The following BRAF variants were observed in gnomAD, a reference collection of about 807,000 sequenced individuals.
BRAF encodes the protein serine/threonine-protein kinase B-raf.
In BRAF, 16 loss-of-function variants were observed where a neutral mutation model predicts 104.6. The ratio of observed to expected loss-of-function variants is 0.15; its 90% confidence interval spans 0.10 to 0.23. BRAF has a LOEUF of 0.23. Among genes scored for constraint, BRAF ranks in the 10% least tolerant of loss-of-function variants. BRAF has a pLI of 1.00. For synonymous variants in BRAF, 310 were observed against 341.6 expected (o/e 0.91, Z 1.02); for missense variants, 541 against 937.3 (o/e 0.58, Z 5.52).
downstream of BRAF, among the ~76,000 whole-genome samples, chr7:140,718,369 G>C (rs1795183004): frequency 6.6e-6 from 1 of 152,234 alleles, no homozygotes; most frequent in Admixed American, 6.5e-5. Context: ...TCCTGCCTCA[G>C]CCTCCTGAGT....
At chr7:140,767,429 G>T (rs538710704) in intron 14 of BRAF, among the ~76,000 whole-genome samples, 31 of 152,272 alleles carry the variant, frequency 2.0e-4, no homozygotes, top group African/African-American at 7.0e-4. Context: ...TGTACAAATG[G>T]AGGGATTGGC....
intron 12 of BRAF, chr7:140,781,213 A>T (rs534309728): frequency 3.5e-6 from 1 of 284,202 alleles, no homozygotes; most frequent in African/African-American, 2.2e-5. Context: ...TTACAGGCAT[A>T]AGCCACTGCG....
Position 140,725,170 on chromosome 7 carries a change from T to C in BRAF, c.*1324A>G, listed in dbSNP as rs1795531182. 2.9e-6 allele frequency: 3 copies of C among 1,042,706 alleles called. No individual in the cohort carries two copies. Among genetic ancestry groups the C allele is most frequent in the Admixed American group, 1.1e-4 (2 of 17,930 alleles). The allele number at this position is 1,042,706 out of a possible 1,614,324, so 64.6% of individuals were successfully genotyped here. A position where few individuals can be genotyped will look rare whatever the true frequency, so the allele number is the denominator to read the frequency against. ...GAGACGCCACCATTTTTATTTTAGG[T>C]TGCATATTCTAGATAAAAGACTAGA... On this transcript the variant is annotated 3_prime_UTR_variant, in exon 20 of 20. Coordinates refer to ENST00000644969, the MANE Select transcript of BRAF (RefSeq NM_001374258.1).
At chr7:140,730,082 T>G (rs1795851243) in intron 19 of BRAF, among the ~76,000 whole-genome samples, 1 of 152,108 alleles carries the variant, frequency 6.6e-6, no homozygotes, top group Non-Finnish European at 1.5e-5. Flanking sequence ...ACATGGAGAA[T>G]TTAAGGAAAA....
At chr7:140,844,807 A>G (rs1426281526) in intron 2 of BRAF, among the ~76,000 whole-genome samples, 1 of 152,064 alleles carries the variant, frequency 6.6e-6, no homozygotes, top group Non-Finnish European at 1.5e-5. Flanking sequence ...CTGTAATCCC[A>G]GCTACTCAGG....
chr7:140,903,214 C>A (rs550510280), intron 1 of BRAF, among the ~76,000 whole-genome samples: 40 of 152,228 alleles, frequency 2.6e-4, no homozygotes, highest in Middle Eastern at 3.4e-3. Flanking sequence ...GCATGAGCCA[C>A]CACGCCTGGC....
chr7:140,777,150 A>G, intron 13 of BRAF, 62 bp from the exon 13 acceptor site: 1 of 1,549,390 alleles, frequency 6.5e-7, no homozygotes, highest in Non-Finnish European at 8.9e-7. Context: ...TTCTTACAAA[A>G]GAGAACCAAA....
intron 8 of BRAF, among the ~76,000 whole-genome samples, chr7:140,792,640 T>C (rs1436243710): frequency 2.6e-5 from 4 of 152,226 alleles, no homozygotes; most frequent in Non-Finnish European, 5.9e-5. Context: ...ATGGAGTTTA[T>C]TACCCCCTTC....
intron 1 of BRAF, among the ~76,000 whole-genome samples, chr7:140,889,459 T>G (rs759403744): frequency 6.6e-6 from 1 of 152,168 alleles, no homozygotes; most frequent in Admixed American, 6.5e-5. Context: ...GTAGTACACA[T>G]ATAGCATAAA....
chr7:140,894,333 CAG>C (rs775473605), intron 1 of BRAF, among the ~76,000 whole-genome samples: 4 of 152,166 alleles, frequency 2.6e-5, no homozygotes, highest in East Asian at 1.9e-4. Flanking sequence ...ATAAATAAAA[CAG>C]AATTAGAAAT....
At chr7:140,887,875 GTTTAAT>G (rs1813752526) in intron 1 of BRAF, among the ~76,000 whole-genome samples, 1 of 147,842 alleles carries the variant, frequency 6.8e-6, no homozygotes, top group African/African-American at 2.5e-5. Context: ...CACCATGCTC[GTTTAAT>G]TTTTTTTTTT....
chr7:140,842,246 C>T (rs1808043726), intron 2 of BRAF, among the ~76,000 whole-genome samples: 1 of 152,184 alleles, frequency 6.6e-6, no homozygotes, highest in South Asian at 2.1e-4. Flanking sequence ...CTACCAATTA[C>T]AAGTTGTGTA....
At chr7:140,788,369 G>T (rs1243027476) in intron 8 of BRAF, among the ~76,000 whole-genome samples, 1 of 151,970 alleles carries the variant, frequency 6.6e-6, no homozygotes, top group African/African-American at 2.4e-5. Flanking sequence ...TCTATTATAG[G>T]CATTTTGACA....
At chr7:140,849,975 G>A (rs1266849571) in intron 2 of BRAF, 136 bp downstream of exon 2, 5 of 657,364 alleles carry the variant, frequency 7.6e-6, no homozygotes, top group Non-Finnish European at 1.3e-5. Flanking sequence ...GTATAATACA[G>A]GCAAAGCTAA....
At chr7:140,843,927 T>G (rs1420036528) in intron 2 of BRAF, among the ~76,000 whole-genome samples, 1 of 152,068 alleles carries the variant, frequency 6.6e-6, no homozygotes, top group African/African-American at 2.4e-5. Context: ...GAGAATGGCG[T>G]GAACCCGGGA....
At chr7:140,788,371 A>T (rs1801609160) in intron 8 of BRAF, among the ~76,000 whole-genome samples, 1 of 152,200 alleles carries the variant, frequency 6.6e-6, no homozygotes, top group South Asian at 2.1e-4. Flanking sequence ...TATTATAGGC[A>T]TTTTGACATA....
intron 1 of BRAF, among the ~76,000 whole-genome samples, chr7:140,870,386 C>A (rs143663995): frequency 6.6e-6 from 1 of 152,212 alleles, no homozygotes; most frequent in African/African-American, 2.4e-5. Flanking sequence ...CAAAAATATT[C>A]TTAAAACATT....
intron 1 of BRAF, among the ~76,000 whole-genome samples, chr7:140,853,543 A>T (rs1809429833): frequency 6.6e-6 from 1 of 152,116 alleles, no homozygotes; most frequent in African/African-American, 2.4e-5. Context: ...GGCCTAACTG[A>T]ACGTGCCAAG....
chr7:140,754,624 A>G (rs1798052787), intron 14 of BRAF, among the ~76,000 whole-genome samples: 1 of 152,070 alleles, frequency 6.6e-6, no homozygotes, highest in South Asian at 2.1e-4. Flanking sequence ...TCTATTTTCC[A>G]CCTATTCATA....
Sources: gnomAD v4.1 joint callset for allele counts (sites outside exome capture counted in the v4.1 genomes callset) on GRCh38, gnomAD v4.1.1 for gene constraint, MANE v1.5 for transcripts, NCBI Gene and HGNC (gene_info 2026-07-23, HGNC 2026-07-21) for gene names.